The following OPA1 variants were observed in gnomAD, a reference collection of about 807,000 sequenced individuals.
The protein encoded by OPA1 is OPA1 mitochondrial dynamin like GTPase.
Under a neutral mutation model 152.9 loss-of-function variants are expected in OPA1, and 59 were observed. That is an observed-to-expected ratio of 0.39 (90% CI 0.31 to 0.48). The LOEUF is 0.48. Among genes scored for constraint, OPA1 ranks in the 20% least tolerant of loss-of-function variants. The probability of loss-of-function intolerance (pLI) is 0.96; values close to 1 mark genes in which losing one functional copy is unlikely to be tolerated. For missense variants in OPA1, 1,008 were observed against 1,216.8 expected (o/e 0.83, Z 2.55); for synonymous variants, 400 against 389.9 (o/e 1.03, Z -0.31).
intron 16 of OPA1, among the ~76,000 whole-genome samples, chr3:193,644,423 C>T (rs184089729): frequency 1.3e-5 from 2 of 152,236 alleles, no homozygotes; most frequent in East Asian, 3.9e-4. Flanking sequence ...TCGGCACCCT[C>T]ATGTACCAAA....
chr3:193,596,121 C>T (rs1159185691), intron 1 of OPA1, among the ~76,000 whole-genome samples: 2 of 151,816 alleles, frequency 1.3e-5, no homozygotes, highest in Non-Finnish European at 2.9e-5. Context: ...TGCATTCCGC[C>T]CCCATCCTCC....
At chr3:193,631,044 G>A (rs1214781648) in intron 7 of OPA1, among the ~76,000 whole-genome samples, 2 of 152,124 alleles carry the variant, frequency 1.3e-5, no homozygotes, top group Non-Finnish European at 2.9e-5. Flanking sequence ...TTAAAAGCAA[G>A]CATTTGGCTC....
intron 29 of OPA1, among the ~76,000 whole-genome samples, chr3:193,676,148 G>A (rs1718940327): frequency 6.6e-6 from 1 of 152,108 alleles, no homozygotes. Flanking sequence ...TGTTTATTAG[G>A]AATTTTTAAG....
intron 1 of OPA1, among the ~76,000 whole-genome samples, chr3:193,593,844 G>T (rs1439755079): frequency 6.6e-6 from 1 of 151,520 alleles, no homozygotes; most frequent in African/African-American, 2.4e-5. Flanking sequence ...CCATTTCCAC[G>T]CCATGTGTAC....
intron 29 of OPA1, among the ~76,000 whole-genome samples, chr3:193,672,525 A>T (rs530583202): frequency 1.3e-5 from 2 of 152,296 alleles, no homozygotes; most frequent in African/African-American, 4.8e-5. Flanking sequence ...AGACTTATTG[A>T]TACTGACACA....
chr3:193,648,063 T>G lies in OPA1; in HGVS notation c.1871-7T>G. ...TCATCAAACTTGAACTTTTCCTTCT[T>G]CCTCAGCAACACGTTTTAACCTTGA... On this transcript the variant is annotated splice_region_variant and splice_polypyrimidine_tract_variant and intron_variant, in intron 19 of 30. Coordinates refer to ENST00000361510, the MANE Select transcript of OPA1 (RefSeq NM_130837.3). The G allele has an allele frequency of 6.2e-7, 1 of 1,611,410 alleles. No homozygotes were observed.
intron 29 of OPA1, among the ~76,000 whole-genome samples, chr3:193,677,526 G>A (rs142272347): frequency 1.3e-5 from 2 of 151,992 alleles, no homozygotes; most frequent in East Asian, 3.9e-4. Flanking sequence ...CAATTCATTG[G>A]ACTCTGCAAC....
At chr3:193,682,763 T>C (rs1720349553) in intron 29 of OPA1, among the ~76,000 whole-genome samples, 1 of 152,204 alleles carries the variant, frequency 6.6e-6, no homozygotes, top group Non-Finnish European at 1.5e-5. Flanking sequence ...CAGAAAAGTT[T>C]TCTTTCAAAA....
chr3:193,682,742 C>A (rs554145904), intron 29 of OPA1, among the ~76,000 whole-genome samples: 15 of 152,258 alleles, frequency 9.9e-5, no homozygotes, highest in Admixed American at 5.9e-4. Flanking sequence ...TTATAACTCT[C>A]GAGACCTGCT....
At chr3:193,620,368 A>T (rs1323963591) in intron 6 of OPA1, among the ~76,000 whole-genome samples, 1 of 152,254 alleles carries the variant, frequency 6.6e-6, no homozygotes, top group African/African-American at 2.4e-5. Flanking sequence ...GGCTAAGGTC[A>T]TAGATGAATA....
At chr3:193,663,235 G>T (rs545466539) in intron 26 of OPA1, among the ~76,000 whole-genome samples, 1 of 152,214 alleles carries the variant, frequency 6.6e-6, no homozygotes, top group African/African-American at 2.4e-5. Context: ...TGCAAAATGG[G>T]ATGAAACCGA....
At chr3:193,651,635 A>G (rs1460990285) in intron 21 of OPA1, among the ~76,000 whole-genome samples, 1 of 152,214 alleles carries the variant, frequency 6.6e-6, no homozygotes, top group African/African-American at 2.4e-5. Flanking sequence ...TTACTGCTCT[A>G]TGGATAGAAG....
At chr3:193,659,355 C>T in intron 24 of OPA1, 127 bp from the exon 25 acceptor site, 1 of 812,052 alleles carries the variant, frequency 1.2e-6, no homozygotes, top group Admixed American at 2.3e-5. Context: ...TGGGTTTTTT[C>T]CTTTATTTCA....
intron 21 of OPA1, among the ~76,000 whole-genome samples, chr3:193,650,235 T>C (rs1712055646): frequency 6.6e-6 from 1 of 152,174 alleles, no homozygotes; most frequent in Non-Finnish European, 1.5e-5. Flanking sequence ...TACCACCAGA[T>C]TGCCCATTGA....
intron 29 of OPA1, among the ~76,000 whole-genome samples, chr3:193,676,709 G>A (rs756433155): frequency 2.1e-4 from 32 of 152,230 alleles, no homozygotes; most frequent in East Asian, 3.9e-4. Flanking sequence ...GGCCGGGTGT[G>A]GTGGCTCACG....
At chr3:193,599,820 C>T (rs529925526) in intron 1 of OPA1, among the ~76,000 whole-genome samples, 47 of 152,208 alleles carry the variant, frequency 3.1e-4, no homozygotes, top group African/African-American at 5.1e-4. Flanking sequence ...CCAGAATCAC[C>T]GCAGATTCAG....
intron 28 of OPA1, 88 bp downstream of exon 28, chr3:193,666,477 T>A: frequency 9.4e-7 from 1 of 1,062,246 alleles, no homozygotes; most frequent in South Asian, 1.3e-5. Flanking sequence ...GCCAAAATAC[T>A]TCCCAAAAGT....
At chr3:193,627,393 A>T (rs1265315966) in intron 7 of OPA1, 3 of 152,194 alleles carry the variant, frequency 2.0e-5, no homozygotes, top group African/African-American at 7.2e-5. Flanking sequence ...GTGTTAAGCC[A>T]AGGAGGACTT....
chr3:193,693,291 A>G (rs1051497747), intron 30 of OPA1, among the ~76,000 whole-genome samples: 4 of 152,256 alleles, frequency 2.6e-5, no homozygotes, highest in Non-Finnish European at 5.9e-5. Context: ...GAGAGAAACA[A>G]GACCTAGAAA....
Sources: gnomAD v4.1 joint callset for allele counts (sites outside exome capture counted in the v4.1 genomes callset) on GRCh38, gnomAD v4.1.1 for gene constraint, MANE v1.5 for transcripts, NCBI Gene and HGNC (gene_info 2026-07-23, HGNC 2026-07-21) for gene names.